ZCCHC7: variants seen among roughly 807,000 people sequenced by gnomAD.
The protein encoded by ZCCHC7 is zinc finger CCHC domain-containing protein 7.
Under a neutral mutation model 52.0 loss-of-function variants are expected in ZCCHC7, and 35 were observed. The ratio of observed to expected loss-of-function variants is 0.67; its 90% CI spans 0.51 to 0.89. ZCCHC7 has a LOEUF of 0.89. ZCCHC7 is among the 40% of genes least tolerant of loss of function. ZCCHC7 has a pLI of 0.00. For missense variants in ZCCHC7, 574 were observed against 649.1 expected (o/e 0.88, Z 1.26); for synonymous variants, 217 against 221.5 (o/e 0.98, Z 0.18).
chr9:37,227,998 T>C (rs932860254), intron 2 of ZCCHC7, among the ~76,000 whole-genome samples: 3 of 152,144 alleles, frequency 2.0e-5, no homozygotes, highest in East Asian at 1.9e-4. Context: ...GGTTTTGCCA[T>C]GTTAGCCAAG....
At chr9:37,225,503 T>A (rs1825049883) in intron 2 of ZCCHC7, among the ~76,000 whole-genome samples, 1 of 152,070 alleles carries the variant, frequency 6.6e-6, no homozygotes, top group African/African-American at 2.4e-5. Flanking sequence ...AAGCTACAGA[T>A]CTAGATCCTT....
At chr9:37,249,385 A>G (rs527861471) in intron 2 of ZCCHC7, among the ~76,000 whole-genome samples, 1 of 151,380 alleles carries the variant, frequency 6.6e-6, no homozygotes, top group South Asian at 2.1e-4. Context: ...CCAGCCCCAT[A>G]AAGCCAGGAA....
intron 2 of ZCCHC7, among the ~76,000 whole-genome samples, chr9:37,151,638 C>G (rs898118449): frequency 6.6e-6 from 1 of 151,952 alleles, no homozygotes; most frequent in East Asian, 1.9e-4. Context: ...AACCCTGTTT[C>G]TACTAAAAAT....
chr9:37,306,810 CAG>C (rs1394843392), intron 5 of ZCCHC7, among the ~76,000 whole-genome samples: 2 of 50,780 alleles, frequency 3.9e-5, no homozygotes, highest in Non-Finnish European at 7.3e-5. Flanking sequence ...TTTTTGGAGA[CAG>C]GGTCTCGCTC....
chr9:37,224,179 A>G (rs1279663277), intron 2 of ZCCHC7, among the ~76,000 whole-genome samples: 1 of 152,150 alleles, frequency 6.6e-6, no homozygotes, highest in Non-Finnish European at 1.5e-5. Context: ...AGAGTTTGAG[A>G]TACTCTTAAG....
intron 2 of ZCCHC7, among the ~76,000 whole-genome samples, chr9:37,228,449 C>T (rs932262414): frequency 6.6e-5 from 10 of 151,798 alleles, no homozygotes; most frequent in Admixed American, 2.6e-4. Flanking sequence ...GTGGCACAGT[C>T]GTGGCTAACT....
At chr9:37,214,976 T>G (rs1433217415) in intron 2 of ZCCHC7, among the ~76,000 whole-genome samples, 1 of 152,134 alleles carries the variant, frequency 6.6e-6, no homozygotes, top group Non-Finnish European at 1.5e-5. Context: ...TTTTGTAGAT[T>G]AAAGCTCACC....
chr9:37,288,525 A>G (rs746078340), intron 2 of ZCCHC7, among the ~76,000 whole-genome samples: 6 of 152,046 alleles, frequency 3.9e-5, no homozygotes, highest in African/African-American at 7.2e-5. Context: ...TGTGGTCAAA[A>G]TCATCAAACA....
chr9:37,164,266 A>AC (rs1252390591), intron 2 of ZCCHC7, among the ~76,000 whole-genome samples: 1 of 151,752 alleles, frequency 6.6e-6, no homozygotes, highest in Admixed American at 6.6e-5. Flanking sequence ...AAATGGCAAA[A>AC]CCCCATCTCT....
At chr9:37,253,310 C>A (rs1345512560) in intron 2 of ZCCHC7, among the ~76,000 whole-genome samples, 1 of 151,694 alleles carries the variant, frequency 6.6e-6, no homozygotes, top group South Asian at 2.1e-4. Flanking sequence ...GAAAAAAATA[C>A]ATCTGTATCA....
intron 5 of ZCCHC7, among the ~76,000 whole-genome samples, chr9:37,318,787 C>T (rs1404731704): frequency 6.6e-6 from 1 of 150,912 alleles, no homozygotes; most frequent in Non-Finnish European, 1.5e-5. Flanking sequence ...GCAGCGCACA[C>T]CTATAATCCC....
chr9:37,270,378 A>G (rs1364046187), intron 2 of ZCCHC7, among the ~76,000 whole-genome samples: 1 of 152,058 alleles, frequency 6.6e-6, no homozygotes, highest in African/African-American at 2.4e-5. Context: ...ACATACACAT[A>G]AAGTCTTAGC....
At chr9:37,346,104 G>A (rs1396720906) in intron 6 of ZCCHC7, among the ~76,000 whole-genome samples, 3 of 152,130 alleles carry the variant, frequency 2.0e-5, no homozygotes, top group Non-Finnish European at 4.4e-5. Context: ...CCAGGTTCAA[G>A]TGATTCTCCT....
At chr9:37,248,513 A>C (rs1158375335) in intron 2 of ZCCHC7, among the ~76,000 whole-genome samples, 2 of 152,142 alleles carry the variant, frequency 1.3e-5, no homozygotes, top group East Asian at 3.8e-4. Context: ...CAGATTTCCT[A>C]CCCAATAACA....
intron 2 of ZCCHC7, among the ~76,000 whole-genome samples, chr9:37,241,085 C>A (rs954773109): frequency 1.3e-5 from 2 of 151,744 alleles, no homozygotes; most frequent in Admixed American, 6.6e-5. Flanking sequence ...TTGATATACA[C>A]AATAAGTGTG....
At chr9:37,223,013 G>A (rs559730285) in intron 2 of ZCCHC7, among the ~76,000 whole-genome samples, 4 of 152,186 alleles carry the variant, frequency 2.6e-5, no homozygotes, top group Admixed American at 6.5e-5. Context: ...ATATATATGT[G>A]TGTATGTATG....
chr9:37,288,718 C>T (rs1188157010), intron 2 of ZCCHC7, among the ~76,000 whole-genome samples: 2 of 152,102 alleles, frequency 1.3e-5, no homozygotes, highest in African/African-American at 4.8e-5. Flanking sequence ...TTACCATAAT[C>T]GATAACACCT....
intron 2 of ZCCHC7, among the ~76,000 whole-genome samples, chr9:37,202,940 T>C (rs935508498): frequency 4.6e-5 from 7 of 152,264 alleles, no homozygotes; most frequent in Admixed American, 1.3e-4. Context: ...TGGAATCTTA[T>C]GAACAAAATA....
At chr9:37,222,895 G>C (rs1483153036) in intron 2 of ZCCHC7, among the ~76,000 whole-genome samples, 1 of 152,044 alleles carries the variant, frequency 6.6e-6, no homozygotes, top group Non-Finnish European at 1.5e-5. Flanking sequence ...GTGGTTCCTA[G>C]AAGAAGGAAC....
Sources: gnomAD v4.1 joint callset for allele counts (sites outside exome capture counted in the v4.1 genomes callset) on GRCh38, gnomAD v4.1.1 for gene constraint, MANE v1.5 for transcripts, NCBI Gene and HGNC (gene_info 2026-07-23, HGNC 2026-07-21) for gene names.